DENND1B: variants seen among roughly 807,000 people sequenced by gnomAD.
The protein encoded by DENND1B is DENN domain containing 1B, also known as DENN domain-containing protein 1B.
Under a neutral mutation model 90.1 loss-of-function variants are expected in DENND1B, and 59 were observed. The observed-to-expected ratio is 0.65, with a 90% CI of 0.53 to 0.81. DENND1B has a LOEUF of 0.81. DENND1B is among the 40% of genes least tolerant of loss of function. DENND1B has a pLI of 0.00. For missense variants in DENND1B, 862 were observed against 912.6 expected (o/e 0.94, Z 0.71); for synonymous variants, 337 against 324.6 (o/e 1.04, Z -0.41).
chr1:197,742,964 A>C (rs1663356014), intron 2 of DENND1B, among the ~76,000 whole-genome samples: 1 of 152,160 alleles, frequency 6.6e-6, no homozygotes, highest in African/African-American at 2.4e-5. Context: ...GAGGAATTCA[A>C]CTGAGACACC....
rs561239809 is a variant in DENND1B, at chr1:197,572,338, C to A, written c.1149+10814G>T. Among the ~76,000 whole-genome samples the A allele has an allele frequency of 1.4e-4, 22 of 152,308 alleles. No individual in the cohort carries two copies. In the East Asian group the frequency reaches 4.3e-3, roughly 29 times the overall value. On this transcript the variant is annotated intron_variant, in intron 15 of 22. Coordinates refer to ENST00000620048, the MANE Select transcript of DENND1B (RefSeq NM_001195215.2). The stretch of plus-strand genomic sequence containing the variant: ...GCTACCGCAGCAGTCTGAGATTGAC[C>A]TGTGAGGCAGCAGCCTGGTGAGGAG...
intron 11 of DENND1B, among the ~76,000 whole-genome samples, chr1:197,613,533 C>A (rs1305922677): frequency 6.6e-6 from 1 of 150,602 alleles, no homozygotes; most frequent in East Asian, 2.0e-4. Context: ...ATCCTTAAGA[C>A]CTAACAGATT....
intron 15 of DENND1B, among the ~76,000 whole-genome samples, chr1:197,568,603 T>G (rs1672890657): frequency 6.6e-6 from 1 of 152,108 alleles, no homozygotes; most frequent in Non-Finnish European, 1.5e-5. Flanking sequence ...CAAAATATAC[T>G]ATGAAGCCAT....
intron 20 of DENND1B, among the ~76,000 whole-genome samples, chr1:197,513,325 T>G (rs1451070529): frequency 6.6e-6 from 1 of 151,604 alleles, no homozygotes; most frequent in Non-Finnish European, 1.5e-5. Flanking sequence ...TTTGCCAATT[T>G]TGTTTCTTTT....
intron 3 of DENND1B, among the ~76,000 whole-genome samples, chr1:197,713,767 T>TTA (rs1392174044): frequency 3.5e-5 from 1 of 28,300 alleles, no homozygotes; most frequent in Non-Finnish European, 5.4e-5. Flanking sequence ...AATAATTATA[T>TTA]TATATTATTA....
At chr1:197,775,883 C>T (rs1336063199), upstream of DENND1B, among the ~76,000 whole-genome samples, 1 of 152,128 alleles carries the variant, frequency 6.6e-6, no homozygotes, top group African/African-American at 2.4e-5. Flanking sequence ...AAGTTGATGC[C>T]CCTGGCTCTT....
intron 2 of DENND1B, among the ~76,000 whole-genome samples, chr1:197,752,617 G>A (rs567494656): frequency 1.3e-5 from 2 of 151,816 alleles, no homozygotes; most frequent in Non-Finnish European, 2.9e-5. Context: ...CACCAAAATA[G>A]AAATTTTTTT....
intron 2 of DENND1B, among the ~76,000 whole-genome samples, chr1:197,770,832 CTATAAATATATA>C (rs1656480320): frequency 2.3e-5 from 2 of 88,688 alleles, no homozygotes; most frequent in Middle Eastern, 8.6e-3. Context: ...AAATATATAT[CTATAAATATATA>C]TAAATATATA....
intron 2 of DENND1B, among the ~76,000 whole-genome samples, chr1:197,732,974 T>A (rs191035380): frequency 6.6e-6 from 1 of 152,240 alleles, no homozygotes; most frequent in African/African-American, 2.4e-5. Flanking sequence ...AATACCAAAT[T>A]GGAAAGAGTC....
chr1:197,735,390 G>A, intron 2 of DENND1B: 1 of 1,393,122 alleles, frequency 7.2e-7, no homozygotes, highest in Non-Finnish European at 9.3e-7. Context: ...AAATTTAAAA[G>A]TCCAAGACCT....
At chr1:197,519,848 A>G (rs1668648636) in intron 20 of DENND1B, among the ~76,000 whole-genome samples, 1 of 151,930 alleles carries the variant, frequency 6.6e-6, no homozygotes, top group Admixed American at 6.6e-5. Flanking sequence ...TTATGTTGGT[A>G]CATGGGATTT....
At chr1:197,529,880 C>T (rs1669497380) in intron 20 of DENND1B, among the ~76,000 whole-genome samples, 1 of 152,276 alleles carries the variant, frequency 6.6e-6, no homozygotes, top group East Asian at 1.9e-4. Flanking sequence ...TGGCTATATT[C>T]TCAGTGGACT....
intron 2 of DENND1B, among the ~76,000 whole-genome samples, chr1:197,752,570 C>T (rs1278404811): frequency 6.6e-6 from 1 of 151,958 alleles, no homozygotes; most frequent in Non-Finnish European, 1.5e-5. Context: ...ACACTAACTT[C>T]TGATTTTCCC....
At chr1:197,569,557 G>A (rs939142933) in intron 15 of DENND1B, among the ~76,000 whole-genome samples, 17 of 75,230 alleles carry the variant, frequency 2.3e-4, no homozygotes, top group African/African-American at 8.9e-4. Flanking sequence ...AAAAGAAAAT[G>A]TGGTATACAC....
At chr1:197,621,863 T>C (rs1367785435) in intron 10 of DENND1B, among the ~76,000 whole-genome samples, 1 of 151,456 alleles carries the variant, frequency 6.6e-6, no homozygotes, top group Admixed American at 6.6e-5. Context: ...TGGAAAAAAA[T>C]TTCTTATCTT....
At chr1:197,719,574 C>T (rs570883511) in intron 2 of DENND1B, among the ~76,000 whole-genome samples, 1 of 152,202 alleles carries the variant, frequency 6.6e-6, no homozygotes, top group East Asian at 1.9e-4. Context: ...CACAAAAAAG[C>T]TGTTGGAGCT....
At chr1:197,662,129 C>T (rs923519886) in intron 5 of DENND1B, among the ~76,000 whole-genome samples, 2 of 151,994 alleles carry the variant, frequency 1.3e-5, no homozygotes, top group Admixed American at 1.3e-4. Context: ...ATTAAACTAA[C>T]ACTGTTTAGA....
chr1:197,619,021 C>T (rs1048987671), intron 10 of DENND1B, among the ~76,000 whole-genome samples: 5 of 151,060 alleles, frequency 3.3e-5, no homozygotes, highest in African/African-American at 1.2e-4. Flanking sequence ...AAAGTATATG[C>T]ATCTTTGCCA....
intron 16 of DENND1B, among the ~76,000 whole-genome samples, chr1:197,547,265 C>A (rs1046163142): frequency 3.7e-4 from 53 of 144,846 alleles, no homozygotes; most frequent in Non-Finnish European, 7.4e-4. Flanking sequence ...AAGACCCCAT[C>A]TCTTTTTTTT....
Sources: gnomAD v4.1 joint callset for allele counts (sites outside exome capture counted in the v4.1 genomes callset) on GRCh38, gnomAD v4.1.1 for gene constraint, MANE v1.5 for transcripts, NCBI Gene and HGNC (gene_info 2026-07-23, HGNC 2026-07-21) for gene names.